The following ANKMY1 variants were observed in gnomAD, a reference collection of about 807,000 sequenced individuals.
ANKMY1 encodes the protein ankyrin repeat and MYND domain containing 1.
A neutral mutation model predicts 102.0 loss-of-function variants in ANKMY1; 98 were observed. The ratio of observed to expected loss-of-function variants is 0.96; its 90% CI spans 0.82 to 1.14. ANKMY1 has a LOEUF of 1.14. Among genes scored for constraint, ANKMY1 ranks in the 50% most tolerant of loss-of-function variants. ANKMY1 has a pLI of 0.00. For synonymous variants in ANKMY1, 582 were observed against 559.9 expected (o/e 1.04, Z -0.56); for missense variants, 1,330 against 1,347.6 (o/e 0.99, Z 0.20).
intron 4 of ANKMY1, among the ~76,000 whole-genome samples, chr2:240,531,147 C>T (rs2085294966): frequency 6.6e-6 from 1 of 152,158 alleles, no homozygotes; most frequent in African/African-American, 2.4e-5. Flanking sequence ...AAATGTCCAA[C>T]ATCATTAGTC....
intron 7 of ANKMY1, among the ~76,000 whole-genome samples, 157 bp downstream of exon 7, chr2:240,525,528 G>T (rs914601594): frequency 6.6e-6 from 1 of 152,168 alleles, no homozygotes. Context: ...TCCCTTAGGG[G>T]ATGCCCAGGC....
At chr2:240,532,128 C>A (rs1332048911) in intron 4 of ANKMY1, 4 of 468,248 alleles carry the variant, frequency 8.5e-6, no homozygotes, top group East Asian at 7.0e-5. Context: ...GGAAACATCA[C>A]ATTGAAACTG....
At chr2:240,554,080 G>A (rs1194631657) in intron 3 of ANKMY1, 1 of 152,200 alleles carries the variant, frequency 6.6e-6, no homozygotes, top group Non-Finnish European at 1.5e-5. Context: ...TCACAGCTTA[G>A]TGTCCCTTCC....
chr2:240,478,121 C>G (rs1005285718), downstream of ANKMY1, among the ~76,000 whole-genome samples: 21 of 152,306 alleles, frequency 1.4e-4, no homozygotes, highest in Non-Finnish European at 2.6e-4. Context: ...CTTCCTCCCG[C>G]TCCAGCCATG....
intron 13 of ANKMY1, among the ~76,000 whole-genome samples, chr2:240,500,970 C>T (rs1282347562): frequency 6.6e-6 from 1 of 152,210 alleles, no homozygotes; most frequent in Non-Finnish European, 1.5e-5. Context: ...GGGCATGTTG[C>T]TCAACAAGAC....
Position 240,529,109 on chromosome 2 carries a change from T to C in ANKMY1, c.881A>G (p.Asp294Gly). ...ATTGATTATGAACCATGGTTCTCCA[T>C]CCTCAACGAACGGAGGAATTTCATT... Reference protein sequence around the residue: ...FLNEIPPFVEDGEPWFIINET... With the variant: ...FLNEIPPFVEGGEPWFIINET... The change falls in exon 5 of 18, where the codon GAT becomes GGT. Residue 294 changes from aspartate to glycine, a missense_variant. By Grantham distance (94) the Asp-to-Gly change is moderately conservative (BLOSUM62 -1). Transcript: ENST00000401804. This position sits in a 1 kb window ranked among gnomAD's most constrained non-coding sequence, Gnocchi z 4.2. 6.2e-7 allele frequency: 1 copy of C among 1,614,160 alleles called. No individual in the cohort carries two copies. The highest frequency in any genetic ancestry group is 8.5e-7 in the Non-Finnish European group (1 of 1,180,034).
At chr2:240,470,054 A>G in the ANKMY1 span, among the ~76,000 whole-genome samples, 2 of 152,180 alleles carry the variant, frequency 1.3e-5, no homozygotes, top group Non-Finnish European at 2.9e-5. Context: ...GCATGCACTC[A>G]CACAGAGACA....
At chr2:240,508,111 G>A (rs1010335071) in intron 12 of ANKMY1, among the ~76,000 whole-genome samples, 10 of 152,240 alleles carry the variant, frequency 6.6e-5, no homozygotes, top group East Asian at 1.9e-4. Flanking sequence ...CCTCTGCACC[G>A]GGGCACCAGT....
chr2:240,476,505 T>C (rs1421355045), downstream of ANKMY1, among the ~76,000 whole-genome samples: 1 of 148,910 alleles, frequency 6.7e-6, no homozygotes, highest in East Asian at 2.1e-4. Context: ...AAAAAGCACA[T>C]GGTCACCGCA....
rs746043164 is a variant in ANKMY1 at position 240,479,589 on chromosome 2, T to G, written c.*20A>C. On this transcript the variant is annotated 3_prime_UTR_variant, in exon 18 of 18. Coordinates refer to ENST00000401804, the MANE Select transcript of ANKMY1 (RefSeq NM_001282771.3). ...CACAGTCCTGGGTCCTCCCCAAGCC[T>G]CGGACGTGCAGCTGCTGCTTCACTG... 1.3e-5 allele frequency: 21 copies of G among 1,613,758 alleles called. 1 individual carries two copies. Among genetic ancestry groups the G allele is most frequent in the Non-Finnish European group, 1.8e-5 (21 of 1,179,892 alleles).
chr2:240,496,581 G>T (rs987549898), intron 15 of ANKMY1, among the ~76,000 whole-genome samples: 1 of 152,110 alleles, frequency 6.6e-6, no homozygotes, highest in Non-Finnish European at 1.5e-5. Flanking sequence ...GACCAGCTGG[G>T]TTAATTGTGT....
rs1041849081 is a variant in ANKMY1, at chr2:240,480,942, G to A, written c.3041C>T (p.Ala1014Val). 2.3e-5 allele frequency: 37 copies of A among 1,605,614 alleles called. No homozygotes were observed. The highest frequency in any genetic ancestry group is 3.2e-5 in the Non-Finnish European group (37 of 1,173,290). Reference protein sequence around the residue: ...FHKKDCGDLVAIVTQLEQVSR... With the variant: ...FHKKDCGDLVVIVTQLEQVSR... ...CAGCCTGAGGGCCGACCTACCGATG[G>A]CCACCAGGTCCCCGCAGTCCTTCTT... Residue 1014 changes from alanine to valine, a missense_variant, in exon 17 of 18, where the codon GCC becomes GTC. Ala to Val is a moderately conservative substitution (Grantham distance 64). Transcript: ENST00000401804.
chr2:240,534,110 C>T (rs1387785439), intron 4 of ANKMY1, among the ~76,000 whole-genome samples: 1 of 152,174 alleles, frequency 6.6e-6, no homozygotes, highest in Non-Finnish European at 1.5e-5. Context: ...ACACACTGTC[C>T]ACCCACTCGT....
rs528601946 is a variant in ANKMY1 at position 240,513,064 on chromosome 2, T to C, written c.2005-122A>G. ...GACTCCAAGGGCACCATTCTCAGCC[T>C]CACCTGCCTCACAACGTGCAGGCTA... On this transcript the variant is annotated intron_variant, in intron 9 of 17. Transcript: ENST00000401804. 6 of 1,342,180 alleles carry C rather than the reference T, an allele frequency of 4.5e-6. No individual in the cohort carries two copies. The South Asian group carries it at 8.7e-5, about 20-fold the overall frequency. 83.1% of individuals were successfully genotyped at this position (1,342,180 alleles called of 1,614,324 possible). A position where few individuals can be genotyped will look rare whatever the true frequency, so the allele number is the denominator to read the frequency against.
intron 4 of ANKMY1, among the ~76,000 whole-genome samples, chr2:240,530,282 C>A (rs1342535982): frequency 6.6e-6 from 1 of 152,180 alleles, no homozygotes; most frequent in Non-Finnish European, 1.5e-5. Context: ...ACCCAAATCC[C>A]AACCCACCCA....
At chr2:240,472,600 G>A in the ANKMY1 span, among the ~76,000 whole-genome samples, 1 of 152,172 alleles carries the variant, frequency 6.6e-6, no homozygotes, top group Admixed American at 6.5e-5. Context: ...AGTCTGCCCA[G>A]GGACCAGACA....
At position 240,554,998 on chromosome 2, in the gene ANKMY1, C is replaced by CGCCCTCAGCGG. The variant is rs757670591; in HGVS notation, c.193_203dup (p.Gln69ArgfsTer2). 3.7e-6 allele frequency: 6 copies of CGCCCTCAGCGG among 1,614,074 alleles called. No homozygotes were observed. Among genetic ancestry groups the CGCCCTCAGCGG allele is most frequent in the Non-Finnish European group, 5.1e-6 (6 of 1,180,032 alleles). On this transcript the variant is annotated stop_gained and frameshift_variant, in exon 3 of 18. Coordinates refer to ENST00000401804, the MANE Select transcript of ANKMY1 (RefSeq NM_001282771.3). LOFTEE classifies it high-confidence loss of function. ...GGATGTAGGACTCCCTCAGGTCCTG[C>CGCCCTCAGCGG]GCCCTCAGCGGGCCCTCAGCTTCCT...
intron 4 of ANKMY1, among the ~76,000 whole-genome samples, chr2:240,540,712 C>CCTGG (rs1216120089): frequency 9.9e-5 from 15 of 152,234 alleles, no homozygotes; most frequent in Non-Finnish European, 1.5e-5. Context: ...TTGCAATACT[C>CCTGG]CTGGTCTCAG....
At chr2:240,469,249 G>A in the ANKMY1 span, among the ~76,000 whole-genome samples, 2 of 152,218 alleles carry the variant, frequency 1.3e-5, no homozygotes, top group Non-Finnish European at 2.9e-5. Context: ...ACAGGTGCGT[G>A]TGCACTCTGT....
Sources: gnomAD v4.1 joint callset for allele counts (sites outside exome capture counted in the v4.1 genomes callset) on GRCh38, gnomAD v4.1.1 for gene constraint, Gnocchi (gnomAD v3.1) non-coding constraint, MANE v1.5 for transcripts, NCBI Gene and HGNC (gene_info 2026-07-23, HGNC 2026-07-21) for gene names.